MYH4: variants seen among roughly 807,000 people sequenced by gnomAD.
MYH4 encodes myosin-4.
MYH4 carries 200 observed loss-of-function variants against 229.9 expected under a neutral mutation model. That is an observed-to-expected ratio of 0.87 (90% CI 0.78 to 0.98). The LOEUF is 0.98. Among genes scored for constraint, MYH4 ranks in the 50% least tolerant of loss-of-function variants. MYH4 has a pLI of 0.00. For missense variants in MYH4, 2,148 were observed against 2,332.6 expected, an observed-to-expected ratio of 0.92 and a Z score of 1.63; for synonymous variants, 761 against 834.6, an observed-to-expected ratio of 0.91 and a Z score of 1.52.
At chr17:10,463,951 C>A (rs1438165545) in intron 7 of MYH4, among the ~76,000 whole-genome samples, 1 of 152,186 alleles carries the variant, frequency 6.6e-6, no homozygotes, top group Non-Finnish European at 1.5e-5. Flanking sequence ...AGTTATTTTC[C>A]AAATTCTGGC....
At chr17:10,463,214 A>G in intron 9 of MYH4, 26 bp from the exon 10 acceptor site, 1 of 1,588,690 alleles carries the variant, frequency 6.3e-7, no homozygotes, top group Non-Finnish European at 8.6e-7. Context: ...AGCTCATTTA[A>G]AAGAAGATGC....
intron 11 of MYH4, 140 bp downstream of exon 11, chr17:10,462,725 T>G (rs1197875404): frequency 1.5e-5 from 9 of 586,598 alleles, no homozygotes; most frequent in Admixed American, 1.1e-4. Flanking sequence ...ATCCTACAAT[T>G]TTTTTCCAAA....
intron 23 of MYH4, 38 bp from the exon 24 acceptor site, chr17:10,453,366 A>G (rs373403052): frequency 1.9e-6 from 3 of 1,613,606 alleles, no homozygotes; most frequent in South Asian, 2.2e-5. Context: ...GTCAATGACA[A>G]CGTATTATCT....
chr17:10,451,292 C>G, intron 28 of MYH4, 34 bp downstream of exon 28: 1 of 1,608,144 alleles, frequency 6.2e-7, no homozygotes, highest in East Asian at 2.2e-5. Flanking sequence ...TCATTCGTCA[C>G]CTCTCCGAAG....
Position 10,455,856 on chromosome 17 carries a change from G to T in MYH4, c.2014C>A (p.His672Asn), listed in dbSNP as rs764308948. 1.1e-5 allele frequency: 18 copies of T among 1,614,082 alleles called. No individual in the cohort carries two copies. Among genetic ancestry groups the T allele is most frequent in the Non-Finnish European group, 9.3e-6 (11 of 1,180,042 alleles). Residue 672 changes from histidine to asparagine, a missense_variant, in exon 18 of 40, where the codon CAC (histidine) becomes AAC (asparagine). His to Asn is a moderately conservative substitution (Grantham distance 68, BLOSUM62 1). Coordinates refer to ENST00000255381, the MANE Select transcript of MYH4 (RefSeq NM_017533.2). ...TTGGGGATGATGCACCGCACAAAGT[G>T]GGGGTGAGTGCTCCTCAAGTTGGTC... ...LMTNLRSTHPHFVRCIIPNET... is the reference protein window; with the variant it reads ...LMTNLRSTHPNFVRCIIPNET...
At chr17:10,455,320 A>T (rs773992095) in intron 19 of MYH4, 25 bp from the exon 20 acceptor site, 2 of 1,595,488 alleles carry the variant, frequency 1.3e-6, no homozygotes, top group South Asian at 2.3e-5. Flanking sequence ...AGAATATAAA[A>T]ATGTGGTTTT....
At chr17:10,463,901 A>G (rs1384004669) in intron 7 of MYH4, among the ~76,000 whole-genome samples, 2 of 152,206 alleles carry the variant, frequency 1.3e-5, no homozygotes, top group African/African-American at 4.8e-5. Flanking sequence ...ACTTGCCAAT[A>G]CATTGCCCTA....
Position 10,464,548 on chromosome 17 carries a change from C to T in MYH4, c.572G>A (p.Arg191His), listed in dbSNP as rs752920475. Residue 191 changes from arginine (R) to histidine (H), a missense_variant, in exon 7 of 40, where the codon CGT (arginine) becomes CAT (histidine). Transcript: ENST00000255381. ...AATTGTTGCAAAGTACTGGATGACA[C>T]GCTTCGTGTTCACAGTCTTCCCTGC... is the stretch of plus-strand genomic sequence containing the variant. ...SGAGKTVNTK[R>H]VIQYFATIAV... 50 of 1,613,984 alleles carry T rather than the reference C, an allele frequency of 3.1e-5. No homozygotes were observed. The highest frequency in any genetic ancestry group is 6.7e-5 in the East Asian group (3 of 44,880).
In MYH4 at chr17:10,456,528, T is replaced by A; in HGVS notation, c.1925A>T (p.Lys642Ile). Residue 642 changes from lysine to isoleucine, a missense_variant, in exon 17 of 40, where the codon AAA (lysine) becomes ATA (isoleucine). Physicochemically the swap from Lys to Ile is moderately radical, Grantham distance 102. Coordinates refer to ENST00000255381, the MANE Select transcript of MYH4 (RefSeq NM_017533.2). ...TGTCTGGAAAGAAGAACCCTTCTTTTTGCCACCTTTCTTTCCACCACCACC... is the reference window on the plus strand; with the variant it reads ...TGTCTGGAAAGAAGAACCCTTCTTTATGCCACCTTTCTTTCCACCACCACC... ...AEGGGGKKGG[K>I]KKGSSFQTVS... 6.2e-7 allele frequency: 1 copy of A among 1,614,046 alleles called. No individual in the cohort carries two copies. Among genetic ancestry groups the A allele is most frequent in the Non-Finnish European group, 8.5e-7 (1 of 1,179,972 alleles).
In MYH4 at chr17:10,451,381, T is replaced by C. The variant is rs1384082249; in HGVS notation, c.3810A>G (p.Gln1270=). ...CTGACAACTCATTTATTAAGCGTTG[T>C]TGCTCTTCTTCCTTTGTTTTTATTT... is the stretch of plus-strand genomic sequence containing the variant. ...LSEIKTKEEE[Q]QRLINELSAQ... is the part of the protein sequence containing the mutation. The change falls in exon 28 of 40, where the codon CAA becomes CAG. Residue 1270 remains glutamine (Q), a synonymous_variant. Transcript: ENST00000255381. The C allele has an allele frequency of 9.3e-6, 15 of 1,614,084 alleles. No homozygotes were observed. The highest frequency in any genetic ancestry group is 1.3e-5 in the Non-Finnish European group (15 of 1,179,992).
Position 10,454,813 on chromosome 17 carries a change from G to C in MYH4, c.2436-3C>G. On this transcript the variant is annotated splice_region_variant and splice_polypyrimidine_tract_variant and intron_variant, in intron 21 of 39. Transcript: ENST00000255381. ...ACTGAATGCAGAAGATGGACTCTCTGTAGGAAAAGAAAAAAAGATGCAAAT... is the reference window on the plus strand; with the variant it reads ...ACTGAATGCAGAAGATGGACTCTCTCTAGGAAAAGAAAAAAAGATGCAAAT... 6.2e-7 allele frequency: 1 copy of C among 1,611,666 alleles called. No homozygotes were observed. The highest frequency in any genetic ancestry group is 8.5e-7 in the Non-Finnish European group (1 of 1,178,750).
rs1346782012 is a variant in MYH4, at chr17:10,457,725, A to G, written c.1592T>C (p.Met531Thr). 6.2e-7 allele frequency: 1 copy of G among 1,613,268 alleles called. No individual in the cohort carries two copies. The highest frequency in any genetic ancestry group is 1.3e-5 in the African/African-American group (1 of 74,884). ...CTCTTCTAGGATGGAGAAGATGCCC[A>G]TAGGCTAAGAATAGGAAAAAAGGGA... ...AACIELIEKP[M>T]GIFSILEEEC... Residue 531 changes from methionine to threonine, a missense_variant, in exon 16 of 40, where the codon ATG (methionine) becomes ACG (threonine). By Grantham distance (81) the Met-to-Thr change is moderately conservative. Coordinates refer to ENST00000255381, the MANE Select transcript of MYH4 (RefSeq NM_017533.2).
At chr17:10,460,344 G>T in intron 12 of MYH4, 23 bp from the exon 13 acceptor site, 1 of 1,512,696 alleles carries the variant, frequency 6.6e-7, no homozygotes, top group Non-Finnish European at 9.1e-7. Flanking sequence ...GGTGAGAATG[G>T]TGAAACTGAC....
At chr17:10,444,722 G>A in intron 38 of MYH4, 23 bp from the exon 39 acceptor site, 2 of 1,612,242 alleles carry the variant, frequency 1.2e-6, no homozygotes, top group Non-Finnish European at 1.7e-6. Context: ...CAAGTAGATG[G>A]TGCCATTATT....
intron 8 of MYH4, 30 bp from the exon 9 acceptor site, chr17:10,463,431 C>G: frequency 3.8e-6 from 6 of 1,599,962 alleles, no homozygotes; most frequent in Non-Finnish European, 5.1e-6. Flanking sequence ...GATTATTATA[C>G]ACATTAAAAT....
In MYH4 at chr17:10,447,231, A is replaced by T. The variant is rs1323114923; in HGVS notation, c.4966-15T>A. On this transcript the variant is annotated splice_polypyrimidine_tract_variant and intron_variant, in intron 34 of 39. Coordinates refer to ENST00000255381, the MANE Select transcript of MYH4 (RefSeq NM_017533.2). Reference sequence around the variant, plus strand: ...AGCTGAGTGTCCTACACAGAAAGAGAAAAAGCCTCTTACTCATGCTGCACT... The same window carrying T: ...AGCTGAGTGTCCTACACAGAAAGAGTAAAAGCCTCTTACTCATGCTGCACT... 1.2e-6 allele frequency: 2 copies of T among 1,610,816 alleles called. No homozygotes were observed. The highest frequency in any genetic ancestry group is 2.2e-5 in the South Asian group (2 of 90,878).
In MYH4 at chr17:10,466,641, C is replaced by G. The variant is rs1367205728; in HGVS notation, c.105G>C (p.Lys35Asn). The G allele has an allele frequency of 3.1e-6, 5 of 1,614,022 alleles. No individual in the cohort carries two copies. The highest frequency in any genetic ancestry group is 2.7e-5 in the African/African-American group (2 of 74,920). ...TAGGGTCCACCACAAAGACTGATGT[C>G]TTGGCATCAAAAGGCTTGTTCTGAG... Reference protein sequence around the residue: ...IEAQNKPFDAKTSVFVVDPKE... With the variant: ...IEAQNKPFDANTSVFVVDPKE... Residue 35 changes from lysine to asparagine, a missense_variant, in exon 3 of 40, where the codon AAG (lysine) becomes AAC (asparagine). Lys to Asn is a moderately conservative substitution (Grantham distance 94). Coordinates refer to ENST00000255381, the MANE Select transcript of MYH4 (RefSeq NM_017533.2).
chr17:10,452,749 A>T, intron 25 of MYH4, 38 bp downstream of exon 25: 4 of 1,563,428 alleles, frequency 2.6e-6, no homozygotes, highest in Non-Finnish European at 3.5e-6. Flanking sequence ...GCATTGACAT[A>T]CAACAAGCAG....
At position 10,466,772 on chromosome 17, in the gene MYH4, G is replaced by A; in HGVS notation, c.-27C>T. On this transcript the variant is annotated 5_prime_UTR_variant, in exon 3 of 40. Coordinates refer to ENST00000255381, the MANE Select transcript of MYH4 (RefSeq NM_017533.2). ...GCTGCAGGTTATTGATGGCAGTACT[G>A]GACTAGGTATACCTAGAGGAAGAAA... 1 of 1,613,330 alleles carries A rather than the reference G, an allele frequency of 6.2e-7. No homozygotes were observed. The highest frequency in any genetic ancestry group is 8.5e-7 in the Non-Finnish European group (1 of 1,179,298).
Sources: gnomAD v4.1 joint callset for allele counts (sites outside exome capture counted in the v4.1 genomes callset) on GRCh38, gnomAD v4.1.1 for gene constraint, MANE v1.5 for transcripts, NCBI Gene and HGNC (gene_info 2026-07-23, HGNC 2026-07-21) for gene names.